Variants in ZNF519 observed in about 807,000 individuals in gnomAD.
ZNF519 encodes the protein zinc finger protein 519.
Under a neutral mutation model 7.4 loss-of-function variants are expected in ZNF519, and 7 were observed. The observed-to-expected ratio is 0.94, with a 90% confidence interval of 0.54 to 1.77. The LOEUF (loss-of-function observed/expected upper bound fraction) is 1.77, where lower values mean the gene tolerates loss of function less well. ZNF519 is among the 40% of genes most tolerant of loss of function. ZNF519 has a pLI of 0.00. For synonymous variants in ZNF519, 179 were observed against 203.3 expected (o/e 0.88, Z 1.02); for missense variants, 586 against 623.1 (o/e 0.94, Z 0.63).
intron 3 of ZNF519, among the ~76,000 whole-genome samples, chr18:14,080,992 C>A (rs1339707441): frequency 1.3e-5 from 2 of 152,070 alleles, no homozygotes; most frequent in African/African-American, 4.8e-5. Context: ...GACAGTGAAA[C>A]AATTAGTGGA....
At chr18:14,110,906 C>T (rs1013635046) in intron 2 of ZNF519, among the ~76,000 whole-genome samples, 12 of 151,872 alleles carry the variant, frequency 7.9e-5, no homozygotes, top group East Asian at 5.8e-4. Flanking sequence ...GGCTGGGAGG[C>T]GGGTGAGGGA....
chr18:14,102,746 T>C lies in ZNF519; in HGVS notation c.*2171A>G, dbSNP rs1229964031. 3 of 152,168 alleles carry C rather than the reference T, an allele frequency of 2.0e-5. No individual in the cohort carries two copies. The highest frequency in any genetic ancestry group is 2.1e-4 in the South Asian group (1 of 4,822). 9.4% of individuals were successfully genotyped at this position (152,168 alleles called of 1,614,324 possible). A position where few individuals can be genotyped will look rare whatever the true frequency, so the allele number is the denominator to read the frequency against. Reference sequence around the variant, plus strand: ...AATATACAACCAATTTTGTTAAGTTTAGCTTTTTTAATAAAACAATAAAAC... The same window carrying C: ...AATATACAACCAATTTTGTTAAGTTCAGCTTTTTTAATAAAACAATAAAAC... On this transcript the variant is annotated 3_prime_UTR_variant, in exon 3 of 3. Transcript: ENST00000590202.
chr18:14,075,413 G>A (rs891791999), downstream of ZNF519: 2 of 152,260 alleles, frequency 1.3e-5, no homozygotes, highest in Admixed American at 1.3e-4. Flanking sequence ...ACATGGGGCT[G>A]ACTGTGATGG....
At chr18:14,075,041 T>C (rs2046042280), downstream of ZNF519, 1 of 152,180 alleles carries the variant, frequency 6.6e-6, no homozygotes, top group African/African-American at 2.4e-5. Context: ...CTTACATGGA[T>C]GGGAGCAGGC....
At chr18:14,106,491 C>T (rs1305571737) in intron 2 of ZNF519, 82 bp from the exon 3 acceptor site, 2 of 1,287,688 alleles carry the variant, frequency 1.6e-6, no homozygotes, top group Admixed American at 2.8e-5. Flanking sequence ...GAAATTTTGC[C>T]AAGCTGAGAA....
chr18:14,082,012 T>G (rs2046072473), intron 3 of ZNF519, among the ~76,000 whole-genome samples: 1 of 152,020 alleles, frequency 6.6e-6, no homozygotes, highest in African/African-American at 2.4e-5. Context: ...TATAAAACAC[T>G]GTAACTTTAG....
intron 2 of ZNF519, among the ~76,000 whole-genome samples, chr18:14,085,782 A>G (rs1214037749): frequency 1.3e-5 from 2 of 152,186 alleles, no homozygotes; most frequent in East Asian, 3.9e-4. Flanking sequence ...AGAACCCCAC[A>G]GCCACTGACC....
downstream of ZNF519, chr18:14,072,331 A>G (rs1469443166): frequency 1.3e-5 from 2 of 152,208 alleles, no homozygotes; most frequent in East Asian, 3.9e-4. Context: ...TACTCGGTTT[A>G]TAATCATAGC....
chr18:14,128,416 A>T (rs1210370434), intron 1 of ZNF519, among the ~76,000 whole-genome samples: 2 of 152,178 alleles, frequency 1.3e-5, no homozygotes, highest in African/African-American at 2.4e-5. Context: ...AAACAGAGAA[A>T]GGTCAACATA....
Position 14,087,926 on chromosome 18 carries a change from G to GACA in ZNF519, c.131-2853_131-2851dup, listed in dbSNP as rs2046098420. On this transcript the variant is annotated intron_variant and NMD_transcript_variant, in intron 2 of 4. Coordinates refer to the ZNF519 transcript ENST00000587419. Reference sequence around the variant, plus strand: ...ACAGATTATGGATGTGAGTACACTGGACAACATGCCCCACCTTGTAGCAAA... The same window carrying GACA: ...ACAGATTATGGATGTGAGTACACTGGACAACAACATGCCCCACCTTGTAGCAAA... 4.6e-5 allele frequency among the ~76,000 whole-genome samples: 7 copies of GACA among 152,266 alleles called. No individual in the cohort carries two copies. In the South Asian group the frequency reaches 1.5e-3, roughly 32 times the overall value.
At chr18:14,097,837 A>C (rs1046165341), downstream of ZNF519, among the ~76,000 whole-genome samples, 1 of 152,168 alleles carries the variant, frequency 6.6e-6, no homozygotes. Context: ...GTTTGTGTGT[A>C]TATGTATGTT....
chr18:14,076,856 G>A (rs913780870), exon 5 of ZNF519: 8 of 152,052 alleles, frequency 5.3e-5, no homozygotes, highest in African/African-American at 1.7e-4. Context: ...TCACCATAAG[G>A]AGTAGACAAT....
At position 14,105,810 on chromosome 18, in the gene ZNF519, T is replaced by C. The variant is rs747858277; in HGVS notation, c.730A>G (p.Ile244Val). Residue 244 changes from isoleucine (I) to valine (V), a missense_variant, in exon 3 of 3, where the codon ATA (isoleucine) becomes GTA (valine). Ile to Val is a conservative substitution (Grantham distance 29). Transcript: ENST00000590202. ...AGATGTGATTGACTAAAGACTATTA[T>C]ACATTTTTTATTACATCTTTGTGAG... The part of the protein sequence containing the change: ...ESSQRCNKKC[I>V]IVFSQSHLKG... 5 of 1,603,628 alleles carry C rather than the reference T, an allele frequency of 3.1e-6. No homozygotes were observed. The highest frequency in any genetic ancestry group is 2.7e-5 in the African/African-American group (2 of 74,134).
chr18:14,107,609 G>C (rs1414869894), intron 2 of ZNF519, among the ~76,000 whole-genome samples: 2 of 152,164 alleles, frequency 1.3e-5, no homozygotes, highest in African/African-American at 4.8e-5. Context: ...GGGAGGAAGA[G>C]CATCAAGTGG....
intron 2 of ZNF519, among the ~76,000 whole-genome samples, chr18:14,112,904 T>C (rs2046228819): frequency 6.6e-6 from 1 of 152,174 alleles, no homozygotes; most frequent in South Asian, 2.1e-4. Context: ...TTCACAGAAA[T>C]AGGAAAAACA....
downstream of ZNF519, chr18:14,074,371 T>G (rs1361170857): frequency 6.6e-6 from 1 of 152,328 alleles, no homozygotes; most frequent in Non-Finnish European, 1.5e-5. Context: ...CACTGCACCC[T>G]GATGGCCAGC....
chr18:14,080,002 G>A (rs2046063977), intron 3 of ZNF519, among the ~76,000 whole-genome samples: 1 of 151,670 alleles, frequency 6.6e-6, no homozygotes, highest in African/African-American at 2.4e-5. Flanking sequence ...TATAAAACAT[G>A]TATCTCGTAG....
chr18:14,082,694 T>TTC (rs1206050988), intron 3 of ZNF519: 3 of 151,626 alleles, frequency 2.0e-5, no homozygotes, highest in African/African-American at 7.3e-5. Context: ...TTTTTTTTTT[T>TTC]CTCTCCATCA....
Position 14,078,488 on chromosome 18 carries a change from T to C in ZNF519, c.*178-190A>G, listed in dbSNP as rs1244389393. Among the ~76,000 whole-genome samples the C allele has an allele frequency of 2.0e-5, 3 of 152,208 alleles. No individual in the cohort carries two copies. In the East Asian group the frequency reaches 5.8e-4, roughly 29 times the overall value. On this transcript the variant is annotated intron_variant and NMD_transcript_variant, in intron 3 of 4. Coordinates refer to the ZNF519 transcript ENST00000587419. Reference sequence around the variant, plus strand: ...CCCTTTCACACAAAAATGTACCATGTTCATATGATCCAGAGATAAATTTTA... The same window carrying C: ...CCCTTTCACACAAAAATGTACCATGCTCATATGATCCAGAGATAAATTTTA...
Sources: allele counts gnomAD v4.1 joint callset (sites outside exome capture counted in the v4.1 genomes callset), GRCh38; gene constraint gnomAD v4.1.1; transcripts MANE v1.5; gene names NCBI Gene and HGNC (gene_info 2026-07-23, HGNC 2026-07-21).